RAD51B: variants seen among roughly 807,000 people sequenced by gnomAD.
The protein encoded by RAD51B is DNA repair protein RAD51 homolog 2.
A neutral mutation model predicts 42.2 loss-of-function variants in RAD51B; 38 were observed. The observed-to-expected ratio is 0.90, with a 90% confidence interval of 0.70 to 1.18. The LOEUF (loss-of-function observed/expected upper bound fraction) is 1.18. Among genes scored for constraint, RAD51B ranks in the 50% most tolerant of loss-of-function variants. The pLI is 0.00. For synonymous variants in RAD51B, 154 were observed against 145.2 expected (o/e 1.06, Z -0.43); for missense variants, 373 against 400.7 (o/e 0.93, Z 0.59).
At chr14:68,299,838 T>C (rs1156498558) in intron 8 of RAD51B, among the ~76,000 whole-genome samples, 2 of 152,212 alleles carry the variant, frequency 1.3e-5, no homozygotes, top group African/African-American at 4.8e-5. Context: ...ATTGGGAAGG[T>C]TGAAACTTAG....
At chr14:67,873,315 G>A (rs1186825853) in intron 5 of RAD51B, among the ~76,000 whole-genome samples, 1 of 152,160 alleles carries the variant, frequency 6.6e-6, no homozygotes, top group Non-Finnish European at 1.5e-5. Flanking sequence ...AGACATTTAT[G>A]CAGCCAAAAA....
intron 10 of RAD51B, among the ~76,000 whole-genome samples, chr14:68,632,803 C>A (rs1214619141): frequency 6.6e-6 from 1 of 151,874 alleles, no homozygotes; most frequent in East Asian, 1.9e-4. Context: ...ACAGTCAGGG[C>A]CTTGCTCTGT....
At chr14:67,884,346 A>G (rs2140047587) in intron 5 of RAD51B, among the ~76,000 whole-genome samples, 1 of 152,272 alleles carries the variant, frequency 6.6e-6, no homozygotes, top group South Asian at 2.1e-4. Context: ...TCAGCTGTTC[A>G]GTTCTTGTTG....
Position 68,162,475 on chromosome 14 carries a change from G to A in RAD51B, c.757-129409G>A, listed in dbSNP as rs192464634. On this transcript the variant is annotated intron_variant, in intron 7 of 10. Coordinates refer to ENST00000471583, the MANE Select transcript of RAD51B (RefSeq NM_133510.4). ...TTTCATATAGAAGTTTCTATACCAGGGGAAATAATTATTTTTTAAAATCCG... is the reference window on the plus strand; with the variant it reads ...TTTCATATAGAAGTTTCTATACCAGAGGAAATAATTATTTTTTAAAATCCG... Among the ~76,000 whole-genome samples, 548 of 152,180 alleles carry A rather than the reference G, an allele frequency of 3.6e-3. 2 individuals carry two copies. Among genetic ancestry groups the A allele is most frequent in the Non-Finnish European group, 5.1e-3 (349 of 67,996 alleles).
chr14:68,095,231 T>G (rs536580538), intron 7 of RAD51B, among the ~76,000 whole-genome samples: 1 of 152,322 alleles, frequency 6.6e-6, no homozygotes, highest in Admixed American at 6.5e-5. Flanking sequence ...TCATTTGATG[T>G]GTAGGTTTTT....
chr14:68,065,205 A>C (rs1356175889), intron 7 of RAD51B, among the ~76,000 whole-genome samples: 3 of 152,062 alleles, frequency 2.0e-5, no homozygotes, highest in African/African-American at 7.2e-5. Context: ...TGTAGTCTCC[A>C]TGCAGTTTCT....
chr14:68,270,719 T>C (rs1009389790), intron 7 of RAD51B, among the ~76,000 whole-genome samples: 3 of 152,230 alleles, frequency 2.0e-5, no homozygotes, highest in Non-Finnish European at 2.9e-5. Flanking sequence ...AGGTAAAATA[T>C]TTAGCTCTCT....
intron 3 of RAD51B, among the ~76,000 whole-genome samples, chr14:67,826,825 G>A (rs2040851942): frequency 1.3e-5 from 2 of 152,002 alleles, no homozygotes; most frequent in Admixed American, 1.3e-4. Context: ...TGGGACTACA[G>A]GTGCACACCA....
rs1344984139 is a variant in RAD51B, at chr14:68,189,077, T to G, written c.757-102807T>G. Among the ~76,000 whole-genome samples, 6 of 152,056 alleles carry G rather than the reference T, an allele frequency of 3.9e-5. 1 individual carries two copies. The highest frequency in any genetic ancestry group is 8.8e-5 in the Non-Finnish European group (6 of 67,994). On this transcript the variant is annotated intron_variant, in intron 7 of 10. Transcript: ENST00000471583. ...TTACCAGTCCTAATCTTTCTTTTAA[T>G]TTTTTATTGTGTAATTTATTGCTGC...
intron 7 of RAD51B, among the ~76,000 whole-genome samples, chr14:68,010,323 A>C (rs1412430930): frequency 2.0e-5 from 3 of 151,872 alleles, no homozygotes; most frequent in African/African-American, 4.8e-5. Context: ...ATAAGAAATA[A>C]CTTTAATGCA....
chr14:68,094,152 A>AT (rs2077151873), intron 7 of RAD51B, among the ~76,000 whole-genome samples: 1 of 152,242 alleles, frequency 6.6e-6, no homozygotes, highest in Non-Finnish European at 1.5e-5. Context: ...TGTTGTGACG[A>AT]TTTAAGATTT....
At chr14:68,425,956 CT>C (rs1167740582) in intron 9 of RAD51B, among the ~76,000 whole-genome samples, 1,204 of 104,820 alleles carry the variant, frequency 0.011, 11 homozygotes, top group African/African-American at 0.042. Context: ...TTCTTTCTTT[CT>C]TTCTTTCTTT....
intron 7 of RAD51B, among the ~76,000 whole-genome samples, chr14:68,094,032 T>C (rs1213097276): frequency 6.6e-6 from 1 of 152,250 alleles, no homozygotes; most frequent in Non-Finnish European, 1.5e-5. Flanking sequence ...CTTTCTCTTT[T>C]TTCCAAACTA....
At chr14:68,624,214 G>A (rs1892017961) in intron 10 of RAD51B, among the ~76,000 whole-genome samples, 1 of 152,210 alleles carries the variant, frequency 6.6e-6, no homozygotes, top group African/African-American at 2.4e-5. Context: ...TTTGATGGGT[G>A]TAGAACCAAG....
intron 4 of RAD51B, among the ~76,000 whole-genome samples, chr14:67,842,352 G>C (rs1009154641): frequency 6.6e-6 from 1 of 151,958 alleles, no homozygotes; most frequent in Non-Finnish European, 1.5e-5. Context: ...AGATGATTTT[G>C]CTTTTTCTTT....
chr14:68,130,555 A>G (rs2077866005), intron 7 of RAD51B, among the ~76,000 whole-genome samples: 1 of 152,226 alleles, frequency 6.6e-6, no homozygotes, highest in Non-Finnish European at 1.5e-5. Flanking sequence ...TCTTGGATTA[A>G]AGCCATGGTT....
rs2043045033 is a variant in RAD51B, at chr14:67,885,864, C to G, written c.453-5C>G. On this transcript the variant is annotated splice_region_variant and splice_polypyrimidine_tract_variant and intron_variant, in intron 5 of 10. Transcript: ENST00000471583. ...TTTCGTTTGTGCTATTTTTTTCACC[C>G]ACAGACTGGTTGAAATAGCAGAATC... 2 of 1,600,750 alleles carry G rather than the reference C, an allele frequency of 1.2e-6. No individual in the cohort carries two copies. The highest frequency in any genetic ancestry group is 1.7e-6 in the Non-Finnish European group (2 of 1,171,328).
intron 7 of RAD51B, among the ~76,000 whole-genome samples, chr14:68,283,565 A>T (rs552862951): frequency 6.6e-6 from 1 of 152,184 alleles, no homozygotes; most frequent in Non-Finnish European, 1.5e-5. Flanking sequence ...CCAATTGTGC[A>T]TGTTATTTCC....
chr14:68,540,724 T>C, intron 10 of RAD51B: 1 of 985,126 alleles, frequency 1.0e-6, no homozygotes, highest in Non-Finnish European at 1.2e-6. Context: ...AGAGGGTGGG[T>C]TTAAGGGTAG....
Sources: gnomAD v4.1 joint callset for allele counts (sites outside exome capture counted in the v4.1 genomes callset) on GRCh38, gnomAD v4.1.1 for gene constraint, MANE v1.5 for transcripts, NCBI Gene and HGNC (gene_info 2026-07-23, HGNC 2026-07-21) for gene names.